PRKCD: variants seen among roughly 807,000 people sequenced by gnomAD.
PRKCD encodes protein kinase C delta, also known as protein kinase C delta type.
A neutral mutation model predicts 82.2 loss-of-function variants in PRKCD; 20 were observed. That is an observed-to-expected ratio of 0.24 (90% CI 0.17 to 0.35). PRKCD has a LOEUF of 0.35. Among genes scored for constraint, PRKCD ranks in the 10% least tolerant of loss-of-function variants. The pLI, the probability that PRKCD is intolerant of heterozygous loss-of-function variation, is 1.00. For synonymous variants in PRKCD, 317 were observed against 337.0 expected (o/e 0.94, Z 0.65); for missense variants, 607 against 899.0 (o/e 0.68, Z 4.15).
intron 15 of PRKCD, among the ~76,000 whole-genome samples, chr3:53,187,769 C>T (rs561569705): frequency 1.1e-4 from 16 of 152,310 alleles, no homozygotes; most frequent in African/African-American, 3.8e-4. Context: ...GGGAACTGTA[C>T]ACCCACCAAA....
At chr3:53,175,482 G>A (rs1703184386) in intron 2 of PRKCD, among the ~76,000 whole-genome samples, 1 of 152,110 alleles carries the variant, frequency 6.6e-6, no homozygotes, top group African/African-American at 2.4e-5. Context: ...AGGAAATGGG[G>A]GGGCTGAGGC....
intron 9 of PRKCD, among the ~76,000 whole-genome samples, chr3:53,184,109 G>T (rs1703575856): frequency 6.6e-6 from 1 of 152,032 alleles, no homozygotes; most frequent in Non-Finnish European, 1.5e-5. Context: ...GAGGCGGGCG[G>T]ATCATGAGGT....
At position 53,178,481 on chromosome 3, in the gene PRKCD, A is replaced by G. The variant is rs1553666405; in HGVS notation, c.59A>G (p.Glu20Gly). 4.3e-6 allele frequency: 7 copies of G among 1,613,176 alleles called. No individual in the cohort carries two copies. The South Asian group carries it at 7.7e-5, about 18-fold the overall frequency. The change falls in exon 3 of 19, where the codon GAG becomes GGG. Residue 20 changes from glutamate to glycine, a missense_variant. Transcript: ENST00000330452. ...TATGAGCTGGGCTCCCTGCAGGCCG[A>G]GGACGAGGCGAACCAGCCCTTCTGT... The part of the protein sequence containing the change: ...NSYELGSLQA[E>G]DEANQPFCAV...
intron 2 of PRKCD, among the ~76,000 whole-genome samples, chr3:53,175,149 T>G (rs1015727094): frequency 2.6e-5 from 4 of 152,168 alleles, no homozygotes; most frequent in Non-Finnish European, 5.9e-5. Context: ...GAGGAGGACC[T>G]GGCTGGCCGG....
At chr3:53,175,420 A>T (rs980619474) in intron 2 of PRKCD, among the ~76,000 whole-genome samples, 1 of 152,052 alleles carries the variant, frequency 6.6e-6, no homozygotes, top group Non-Finnish European at 1.5e-5. Flanking sequence ...CCCTTATCCT[A>T]CGTGAGTTCT....
At chr3:53,191,928 C>A (rs1044567822) in intron 18 of PRKCD, among the ~76,000 whole-genome samples, 180 bp from the exon 19 acceptor site, 1 of 152,316 alleles carries the variant, frequency 6.6e-6, no homozygotes, top group South Asian at 2.1e-4. Flanking sequence ...TCCTCATCCT[C>A]TTGGGGAAAT....
chr3:53,177,521 G>A (rs1703252627), intron 2 of PRKCD, among the ~76,000 whole-genome samples: 1 of 152,108 alleles, frequency 6.6e-6, no homozygotes, highest in African/African-American at 2.4e-5. Context: ...AGTGGGGGGT[G>A]TTTATCTTGG....
rs1553670509 is a variant in PRKCD, at chr3:53,190,018, T to C, written c.1872+17T>C. 1 of 1,613,392 alleles carries C rather than the reference T, an allele frequency of 6.2e-7. No individual in the cohort carries two copies. Among genetic ancestry groups the C allele is most frequent in the Non-Finnish European group, 8.5e-7 (1 of 1,179,724 alleles). On this transcript the variant is annotated intron_variant, in intron 18 of 18. Transcript: ENST00000330452. ...CCCAAAGTGGTATGTGATCCTGCCC[T>C]GTGCTGCCTTCAGGCTGAGCTACTC...
chr3:53,185,735 A>T, intron 11 of PRKCD, 35 bp downstream of exon 11: 1 of 1,602,820 alleles, frequency 6.2e-7, no homozygotes, highest in Non-Finnish European at 8.5e-7. Context: ...TACGGTTTTT[A>T]TTCCCCCTGA....
chr3:53,176,699 G>A (rs1053707886), intron 2 of PRKCD, among the ~76,000 whole-genome samples: 1 of 152,248 alleles, frequency 6.6e-6, no homozygotes, highest in Admixed American at 6.5e-5. Context: ...GAGCCCCTTG[G>A]AGTCACTTAC....
chr3:53,167,354 G>T (rs1224262523), intron 2 of PRKCD, among the ~76,000 whole-genome samples: 2 of 152,210 alleles, frequency 1.3e-5, no homozygotes, highest in Non-Finnish European at 2.9e-5. Context: ...AGGTCACGAA[G>T]TCCCCTGCAG....
Position 53,183,112 on chromosome 3 carries a change from C to A in PRKCD, c.572-9C>A. ...TCCCTTCCCCCTCCTGGGCCTGTGCCTCTTCAAGAATGTAACGCTGCCATC... is the reference window on the plus strand; with the variant it reads ...TCCCTTCCCCCTCCTGGGCCTGTGCATCTTCAAGAATGTAACGCTGCCATC... On this transcript the variant is annotated splice_polypyrimidine_tract_variant and intron_variant, in intron 7 of 18. Coordinates refer to ENST00000330452, the MANE Select transcript of PRKCD (RefSeq NM_006254.4). The A allele has an allele frequency of 6.2e-7, 1 of 1,614,130 alleles. No homozygotes were observed.
intron 14 of PRKCD, among the ~76,000 whole-genome samples, 168 bp downstream of exon 14, chr3:53,186,863 A>G (rs1349386411): frequency 6.6e-6 from 1 of 152,206 alleles, no homozygotes; most frequent in African/African-American, 2.4e-5. Flanking sequence ...GGCACCACAC[A>G]GGAAGCCATG....
intron 10 of PRKCD, among the ~76,000 whole-genome samples, chr3:53,185,278 C>T (rs1203522358): frequency 6.6e-6 from 1 of 152,110 alleles, no homozygotes; most frequent in Non-Finnish European, 1.5e-5. Flanking sequence ...TTGAGGGATG[C>T]CACAAAACCT....
chr3:53,176,607 C>T (rs1553665949), intron 2 of PRKCD, among the ~76,000 whole-genome samples: 1 of 152,242 alleles, frequency 6.6e-6, no homozygotes, highest in Admixed American at 6.5e-5. Context: ...GGCTATGGAG[C>T]AGCCTTGTGG....
At chr3:53,178,614 T>C in intron 3 of PRKCD, 77 bp downstream of exon 3, 1 of 1,245,376 alleles carries the variant, frequency 8.0e-7, no homozygotes, top group Non-Finnish European at 1.1e-6. Context: ...GGCCTGGCCT[T>C]GTTCCCTGCA....
At chr3:53,172,516 G>T (rs1553665132) in intron 2 of PRKCD, among the ~76,000 whole-genome samples, 2 of 152,154 alleles carry the variant, frequency 1.3e-5, no homozygotes, top group South Asian at 4.1e-4. Context: ...AGGCTACACT[G>T]TGGACTCCCC....
intron 11 of PRKCD, 45 bp from the exon 12 acceptor site, chr3:53,185,868 GGGGAGGGGAGTTGT>G: frequency 6.3e-7 from 1 of 1,588,810 alleles, no homozygotes. Context: ...CCAGGCCCCG[GGGGAGGGGAGTTGT>G]GTAGACTGAG....
chr3:53,178,060 C>T (rs543783713), intron 2 of PRKCD, among the ~76,000 whole-genome samples: 14 of 151,838 alleles, frequency 9.2e-5, no homozygotes, highest in African/African-American at 3.1e-4. Flanking sequence ...ATTCTCCTGC[C>T]TCAGCCTCCC....
Sources: gnomAD v4.1 joint callset for allele counts (sites outside exome capture counted in the v4.1 genomes callset) on GRCh38, gnomAD v4.1.1 for gene constraint, MANE v1.5 for transcripts, NCBI Gene and HGNC (gene_info 2026-07-23, HGNC 2026-07-21) for gene names.